Variants in GTPBP1 observed in about 807,000 individuals in gnomAD.
The protein encoded by GTPBP1 is GTP-binding protein 1.
In GTPBP1, 23 loss-of-function variants were observed where a neutral mutation model predicts 62.0. The observed-to-expected ratio is 0.37, with a 90% CI of 0.27 to 0.53. The LOEUF (loss-of-function observed/expected upper bound fraction) is 0.53. Ranked by LOEUF, GTPBP1 falls within the 20% of genes least tolerant of loss-of-function variation. The pLI, the probability that GTPBP1 is intolerant of heterozygous loss-of-function variation, is 0.89. For synonymous variants in GTPBP1, 344 were observed against 364.4 expected (o/e 0.94, Z 0.64); for missense variants, 640 against 917.3 (o/e 0.70, Z 3.90).
At chr22:38,729,283 G>A in intron 10 of GTPBP1, 179 bp from the exon 11 acceptor site, 1 of 536,078 alleles carries the variant, frequency 1.9e-6, no homozygotes. Flanking sequence ...GTGGGGATGA[G>A]AATGCCTCTT....
chr22:38,717,962 G>C (rs1474339536), intron 4 of GTPBP1, among the ~76,000 whole-genome samples: 1 of 152,208 alleles, frequency 6.6e-6, no homozygotes, highest in East Asian at 1.9e-4. Context: ...ATTAATAAAT[G>C]TAGTAAACAT....
rs550156896 is a variant in GTPBP1 at position 38,711,487 on chromosome 22, T to C, written c.304+2531T>C. Among the ~76,000 whole-genome samples, 101 of 152,302 alleles carry C rather than the reference T, an allele frequency of 6.6e-4. No homozygotes were observed. In the Middle Eastern group the frequency reaches 0.014, roughly 21 times the overall value. On this transcript the variant is annotated intron_variant, in intron 2 of 11. Coordinates refer to ENST00000216044, the MANE Select transcript of GTPBP1 (RefSeq NM_004286.5). ...GTGAATAGTGAGCATTACATAAATG[T>C]TAGCTAATATTAGTAGTTGCAGTAA...
intron 4 of GTPBP1, among the ~76,000 whole-genome samples, chr22:38,717,454 G>C (rs1056964294): frequency 7.9e-5 from 12 of 152,156 alleles, no homozygotes; most frequent in African/African-American, 2.9e-4. Flanking sequence ...CTGAGAGGTG[G>C]CCTCCTGGAG....
At position 38,727,428 on chromosome 22, in the gene GTPBP1, C is replaced by A; in HGVS notation, c.1537+80C>A. ...AAGGTGTTCCAGCAACCCAGGCCCC[C>A]TAGTTCCAGCTGCAGCTGGGTGGTA... is the stretch of plus-strand genomic sequence containing the variant. On this transcript the variant is annotated intron_variant, in intron 9 of 11. Transcript: ENST00000216044. This position sits in a 1 kb window ranked among gnomAD's most constrained non-coding sequence, Gnocchi z 6.5. 1 of 1,348,882 alleles carries A rather than the reference C, an allele frequency of 7.4e-7. No homozygotes were observed. The highest frequency in any genetic ancestry group is 1.0e-6 in the Non-Finnish European group (1 of 1,002,308). The allele number at this position is 1,348,882 out of a possible 1,614,324, so 83.6% of individuals were successfully genotyped here. A position where few individuals can be genotyped will look rare whatever the true frequency, so the allele number is the denominator to read the frequency against.
At chr22:38,715,400 G>A (rs1171814680) in intron 2 of GTPBP1, among the ~76,000 whole-genome samples, 2 of 152,134 alleles carry the variant, frequency 1.3e-5, no homozygotes, top group East Asian at 1.9e-4. Context: ...GCCACGCCAC[G>A]CTTTGTTCCT....
intron 1 of GTPBP1, among the ~76,000 whole-genome samples, chr22:38,707,062 T>C (rs2092609434): frequency 6.6e-6 from 1 of 152,208 alleles, no homozygotes; most frequent in Non-Finnish European, 1.5e-5. Context: ...CTTTCAGTTC[T>C]CCAACCACCT....
At position 38,731,503 on chromosome 22, in the gene GTPBP1, G is replaced by C. The variant is rs1252375191; in HGVS notation, c.*799G>C. On this transcript the variant is annotated 3_prime_UTR_variant, in exon 12 of 12. Transcript: ENST00000216044. ...CCACCAACCCAAAGACAGCTGGTGG[G>C]TTTCCCCTTGGAGACAATCCTGCGT... 1.3e-5 allele frequency: 2 copies of C among 152,918 alleles called. No homozygotes were observed. The highest frequency in any genetic ancestry group is 4.8e-5 in the African/African-American group (2 of 41,570). 9.5% of individuals were successfully genotyped at this position (152,918 alleles called of 1,614,324 possible). A position where few individuals can be genotyped will look rare whatever the true frequency, so the allele number is the denominator to read the frequency against.
At chr22:38,738,321 C>A, downstream of GTPBP1, 1 of 1,465,218 alleles carries the variant, frequency 6.8e-7, no homozygotes, top group South Asian at 1.2e-5. The surrounding 1 kb of genome is among the most constrained non-coding windows in gnomAD (Gnocchi z 6.6). Context: ...AACACCCCTC[C>A]CCACTCCAAT....
downstream of GTPBP1, chr22:38,739,000 G>A (rs1489414607): frequency 1.9e-6 from 3 of 1,602,172 alleles, no homozygotes; most frequent in Non-Finnish European, 8.5e-7. This position sits in a 1 kb window ranked among gnomAD's most constrained non-coding sequence, Gnocchi z 6.6. Flanking sequence ...TGAGACAGGA[G>A]AGGAAGGCAG....
chr22:38,714,477 T>TAAAAAA (rs2092657748), intron 2 of GTPBP1, among the ~76,000 whole-genome samples: 1 of 59,366 alleles, frequency 1.7e-5, no homozygotes, highest in African/African-American at 8.6e-5. Context: ...AGACTCCATC[T>TAAAAAA]CAAAAAAAAA....
chr22:38,742,752 A>C (rs183502531), downstream of GTPBP1: 2 of 640,028 alleles, frequency 3.1e-6, no homozygotes, highest in Admixed American at 6.4e-5. Context: ...GGAGCCAGGG[A>C]TCACTGGGTG....
chr22:38,722,615 A>G, intron 5 of GTPBP1: 1 of 1,245,776 alleles, frequency 8.0e-7, no homozygotes, highest in Non-Finnish European at 1.1e-6. Context: ...CATTTAGAGT[A>G]ATATTTATGA....
At chr22:38,740,570 G>T, downstream of GTPBP1, 2 of 927,450 alleles carry the variant, frequency 2.2e-6, no homozygotes, top group Non-Finnish European at 3.1e-6. This position sits in a 1 kb window ranked among gnomAD's most constrained non-coding sequence, Gnocchi z 4.8. Flanking sequence ...CTGAGAAGGG[G>T]CAAGGCCTCT....
intron 4 of GTPBP1, among the ~76,000 whole-genome samples, chr22:38,717,788 G>A (rs1044711823): frequency 3.3e-5 from 5 of 152,046 alleles, no homozygotes; most frequent in Admixed American, 6.6e-5. Flanking sequence ...TGAGGGGAGC[G>A]GCAAGGCCTG....
At chr22:38,713,372 A>G (rs1227556663) in intron 2 of GTPBP1, among the ~76,000 whole-genome samples, 1 of 152,062 alleles carries the variant, frequency 6.6e-6, no homozygotes, top group East Asian at 1.9e-4. Context: ...TTTATTTAGG[A>G]CCTTAAGGGG....
intron 1 of GTPBP1, among the ~76,000 whole-genome samples, chr22:38,708,247 C>T (rs2092617702): frequency 6.6e-6 from 1 of 152,178 alleles, no homozygotes; most frequent in South Asian, 2.1e-4. Flanking sequence ...GTTGACACTT[C>T]AATGTTATTG....
chr22:38,728,492 C>A, intron 10 of GTPBP1: 1 of 327,332 alleles, frequency 3.1e-6, no homozygotes. Flanking sequence ...TGTCTAAGGT[C>A]TCCTCTCAGA....
intron 4 of GTPBP1, among the ~76,000 whole-genome samples, chr22:38,719,115 C>T (rs561934399): frequency 6.6e-6 from 1 of 152,180 alleles, no homozygotes; most frequent in Non-Finnish European, 1.5e-5. Flanking sequence ...AAATGATTCT[C>T]CTGTCTCAGC....
At chr22:38,722,212 A>C (rs567789825) in intron 5 of GTPBP1, among the ~76,000 whole-genome samples, 1 of 152,262 alleles carries the variant, frequency 6.6e-6, no homozygotes, top group Non-Finnish European at 1.5e-5. Flanking sequence ...GGGATCATGC[A>C]TGATCAGTTA....
Sources: allele counts gnomAD v4.1 joint callset (sites outside exome capture counted in the v4.1 genomes callset), GRCh38; gene constraint gnomAD v4.1.1; non-coding constraint Gnocchi (gnomAD v3.1); transcripts MANE v1.5; gene names NCBI Gene and HGNC (gene_info 2026-07-23, HGNC 2026-07-21).